Variants in ADAMTS10 observed in about 807,000 individuals in gnomAD.
The protein encoded by ADAMTS10 is ADAM metallopeptidase with thrombospondin type 1 motif 10.
ADAMTS10 carries 48 observed loss-of-function variants against 135.9 expected under a neutral mutation model. The ratio of observed to expected loss-of-function variants is 0.35; its 90% CI spans 0.28 to 0.45. The LOEUF (loss-of-function observed/expected upper bound fraction) is 0.45. ADAMTS10 is among the 20% of genes least tolerant of loss of function. The probability of loss-of-function intolerance (pLI) is 1.00; values close to 1 mark genes in which losing one functional copy is unlikely to be tolerated. For missense variants in ADAMTS10, 1,131 were observed against 1,565.2 expected (o/e 0.72, Z 4.68); for synonymous variants, 621 against 647.5 (o/e 0.96, Z 0.62).
chr19:8,596,165 G>A lies in ADAMTS10; in HGVS notation c.1245C>T (p.Asp415=). 2 of 1,614,176 alleles carry A rather than the reference G, an allele frequency of 1.2e-6. No individual in the cohort carries two copies. The highest frequency in any genetic ancestry group is 1.7e-6 in the Non-Finnish European group (2 of 1,180,032). The change falls in exon 11 of 26, where the codon GAC becomes GAT. Residue 415 remains aspartate, a synonymous_variant. Transcript: ENST00000597188. The surrounding 1 kb of genome is among the most constrained non-coding windows in gnomAD (Gnocchi z 7.2). ...TGTGGGCAGCCATGAGCTTGGCTGG[G>A]TCCTGACCACGGGCCCCACAGCTGT... ...VGNSCGARGQ[D]PAKLMAAHIT...
rs540152197 is a variant in ADAMTS10, at chr19:8,608,778, C to T, written c.-214-530G>A. The stretch of plus-strand genomic sequence containing the variant: ...GAAGTGAGGCGCTCCTCCCAAAACC[C>T]TCACACCCCCTTCTGTGCTTTGGGC... On this transcript the variant is annotated intron_variant, in intron 1 of 25. Coordinates refer to ENST00000597188, the MANE Select transcript of ADAMTS10 (RefSeq NM_030957.4). Among the ~76,000 whole-genome samples the T allele has an allele frequency of 1.5e-3, 224 of 152,186 alleles. 1 individual carries two copies. In the Middle Eastern group the frequency reaches 0.02, roughly 14 times the overall value.
Position 8,591,784 on chromosome 19 carries a change from G to T in ADAMTS10, c.1797+16C>A, listed in dbSNP as rs570626367. 19 of 1,613,470 alleles carry T rather than the reference G, an allele frequency of 1.2e-5. No individual in the cohort carries two copies. Among genetic ancestry groups the T allele is most frequent in the Non-Finnish European group, 1.7e-6 (2 of 1,179,974 alleles). ...GCTTCCTCCCCCCACCCCTCAAGGG[G>T]TTTGGGGGAACTCACATCCGTGTTG... On this transcript the variant is annotated intron_variant, in intron 15 of 25. Coordinates refer to ENST00000597188, the MANE Select transcript of ADAMTS10 (RefSeq NM_030957.4).
At chr19:8,589,691 A>G in intron 16 of ADAMTS10, 106 bp from the exon 17 acceptor site, 1 of 1,559,472 alleles carries the variant, frequency 6.4e-7, no homozygotes, top group Admixed American at 1.8e-5. Context: ...ACCCAAGAGG[A>G]AGGGCAGCTT....
intron 12 of ADAMTS10, 61 bp downstream of exon 12, chr19:8,595,698 TCCC>T: frequency 1.5e-6 from 2 of 1,291,948 alleles, no homozygotes; most frequent in Non-Finnish European, 2.2e-6. Flanking sequence ...CTGGTGGAGT[TCCC>T]TCCCCCAGCC....
chr19:8,601,464 C>T lies in ADAMTS10; in HGVS notation c.593-319G>A, dbSNP rs141997404. ...GAAACCTCTGCCTCCCAGGTTCAAGCGATTCTCCTGCCTCAGCCTCCCGAG... is the reference window on the plus strand; with the variant it reads ...GAAACCTCTGCCTCCCAGGTTCAAGTGATTCTCCTGCCTCAGCCTCCCGAG... On this transcript the variant is annotated intron_variant, in intron 5 of 25. Coordinates refer to ENST00000597188, the MANE Select transcript of ADAMTS10 (RefSeq NM_030957.4). The surrounding 1 kb of genome is among the most constrained non-coding windows in gnomAD (Gnocchi z 4.6). Among the ~76,000 whole-genome samples, 958 of 151,402 alleles carry T rather than the reference C, an allele frequency of 6.3e-3. 10 individuals are homozygous for T. Among genetic ancestry groups the T allele is most frequent in the African/African-American group, 0.022 (891 of 41,236 alleles).
At position 8,596,304 on chromosome 19, in the gene ADAMTS10, C is replaced by T. The variant is rs1236269293; in HGVS notation, c.1190+3G>A. On this transcript the variant is annotated splice_donor_region_variant and intron_variant, in intron 10 of 25. Coordinates refer to ENST00000597188, the MANE Select transcript of ADAMTS10 (RefSeq NM_030957.4). The surrounding 1 kb of genome is among the most constrained non-coding windows in gnomAD (Gnocchi z 7.2). ...CTCCCCCTCTTGTGTGCCCTGGCCT[C>T]ACGTGTGCCCGATCTCGTGGGCAAT... The T allele has an allele frequency of 1.4e-5, 23 of 1,612,982 alleles. No homozygotes were observed. Among genetic ancestry groups the T allele is most frequent in the Non-Finnish European group, 1.8e-5 (21 of 1,179,986 alleles).
intron 13 of ADAMTS10, 100 bp from the exon 14 acceptor site, chr19:8,592,203 C>T (rs1555739175): frequency 1.6e-6 from 2 of 1,233,632 alleles, no homozygotes; most frequent in African/African-American, 5.9e-5. Flanking sequence ...AGATATCAGC[C>T]TCTCCGGGAT....
chr19:8,591,781 G>A lies in ADAMTS10; in HGVS notation c.1797+19C>T. ...AATGCTTCCTCCCCCCACCCCTCAA[G>A]GGGTTTGGGGGAACTCACATCCGTG... is the stretch of plus-strand genomic sequence containing the variant. On this transcript the variant is annotated intron_variant, in intron 15 of 25. Coordinates refer to ENST00000597188, the MANE Select transcript of ADAMTS10 (RefSeq NM_030957.4). 6.2e-7 allele frequency: 1 copy of A among 1,613,390 alleles called. No individual in the cohort carries two copies. The highest frequency in any genetic ancestry group is 8.5e-7 in the Non-Finnish European group (1 of 1,179,814).
At chr19:8,581,129 AC>A (rs2042341514) in intron 25 of ADAMTS10, 127 bp from the exon 26 acceptor site, 25 of 127,004 alleles carry the variant, frequency 2.0e-4, no homozygotes, top group Admixed American at 4.7e-4. Context: ...TTTTAAATTT[AC>A]TTTTTTTTTT....
At chr19:8,582,971 C>T (rs1413876688) in intron 25 of ADAMTS10, among the ~76,000 whole-genome samples, 4 of 151,806 alleles carry the variant, frequency 2.6e-5, no homozygotes, top group African/African-American at 9.7e-5. Flanking sequence ...TTTGTAGATA[C>T]AGGTGTCTTA....
At position 8,596,729 on chromosome 19, in the gene ADAMTS10, C is replaced by T; in HGVS notation, c.1041-144G>A. ...TGAAGCTGCATACAGGAGTGACTGA[C>T]CACATGAATGAATGAATGCATGCAT... On this transcript the variant is annotated intron_variant, in intron 8 of 25. Coordinates refer to ENST00000597188, the MANE Select transcript of ADAMTS10 (RefSeq NM_030957.4). This position sits in a 1 kb window ranked among gnomAD's most constrained non-coding sequence, Gnocchi z 7.2. The T allele has an allele frequency of 6.3e-6, 7 of 1,112,648 alleles. No individual in the cohort carries two copies. The highest frequency in any genetic ancestry group is 9.1e-6 in the Non-Finnish European group (7 of 770,564). The allele number at this position is 1,112,648 out of a possible 1,614,324, so 68.9% of individuals were successfully genotyped here. A position where few individuals can be genotyped will look rare whatever the true frequency, so the allele number is the denominator to read the frequency against.
At chr19:8,587,876 A>G (rs1555737714) in intron 18 of ADAMTS10, among the ~76,000 whole-genome samples, 1 of 143,940 alleles carries the variant, frequency 6.9e-6, no homozygotes, top group Non-Finnish European at 1.5e-5. Flanking sequence ...GCTTGCAGTG[A>G]GTTGAGATGG....
At chr19:8,598,207 G>A (rs1555740688) in intron 6 of ADAMTS10, among the ~76,000 whole-genome samples, 1 of 152,176 alleles carries the variant, frequency 6.6e-6, no homozygotes, top group Non-Finnish European at 1.5e-5. Flanking sequence ...GCTGGTAGGT[G>A]TCAGAAGTGA....
chr19:8,603,526 G>C (rs564481931), intron 5 of ADAMTS10, among the ~76,000 whole-genome samples: 1 of 152,056 alleles, frequency 6.6e-6, no homozygotes, highest in Admixed American at 6.6e-5. Flanking sequence ...CGCCCACCTC[G>C]GCCTCCCAAG....
In ADAMTS10 at chr19:8,605,143, C is replaced by T. The variant is rs782124766; in HGVS notation, c.304G>A (p.Val102Ile). ...TCCCGTGTCCAGTACTCCACGGAGACGTGCCCTGCCAGTAGACGGGAGCTG... is the reference window on the plus strand; with the variant it reads ...TCCCGTGTCCAGTACTCCACGGAGATGTGCCCTGCCAGTAGACGGGAGCTG... ...TRSSRLLAGH[V>I]SVEYWTREGL... Residue 102 changes from valine to isoleucine, a missense_variant, in exon 4 of 26, where the codon GTC (valine) becomes ATC (isoleucine). Around this residue, in one of 3 missense-constraint regions of ADAMTS10, gnomAD observed 306 missense variants for 344.4 expected, o/e 0.89. Transcript: ENST00000597188. The surrounding 1 kb of genome is among the most constrained non-coding windows in gnomAD (Gnocchi z 7.7). The T allele has an allele frequency of 2.4e-5, 39 of 1,613,682 alleles. No individual in the cohort carries two copies. Among genetic ancestry groups the T allele is most frequent in the South Asian group, 2.3e-4 (21 of 91,090 alleles).
rs540897354 is a variant in ADAMTS10 at position 8,592,629 on chromosome 19, G to C, written c.1587+134C>G. 21 of 918,522 alleles carry C rather than the reference G, an allele frequency of 2.3e-5. No homozygotes were observed. The East Asian group carries it at 5.3e-4, about 23-fold the overall frequency. The allele number at this position is 918,522 out of a possible 1,614,324, so 56.9% of individuals were successfully genotyped here. ...AAGCAGTAGGCGTGGCCACAGCCGA[G>C]GGAGCACAAATGGCGGGCGTGGCCA... is the stretch of plus-strand genomic sequence containing the variant. On this transcript the variant is annotated intron_variant, in intron 13 of 25. Transcript: ENST00000597188.
At chr19:8,600,436 C>T (rs1646877676) in intron 6 of ADAMTS10, among the ~76,000 whole-genome samples, 1 of 150,678 alleles carries the variant, frequency 6.6e-6, no homozygotes, top group South Asian at 2.1e-4. Context: ...ACCTACCTTC[C>T]TTCCTTCCTT....
chr19:8,590,049 A>G, intron 15 of ADAMTS10, 58 bp from the exon 16 acceptor site: 2 of 1,234,706 alleles, frequency 1.6e-6, no homozygotes, highest in South Asian at 2.4e-5. Flanking sequence ...GGAGTCAGAA[A>G]AGGGGTGCTC....
intron 16 of ADAMTS10, 101 bp from the exon 17 acceptor site, chr19:8,589,686 A>G (rs982502305): frequency 7.0e-6 from 11 of 1,568,828 alleles, no homozygotes; most frequent in Non-Finnish European, 9.5e-6. Flanking sequence ...CCCAGACCCA[A>G]GAGGAAGGGC....
Sources: allele counts gnomAD v4.1 joint callset (sites outside exome capture counted in the v4.1 genomes callset), GRCh38; gene constraint gnomAD v4.1.1; regional missense constraint gnomAD v4.1.1; non-coding constraint Gnocchi (gnomAD v3.1); transcripts MANE v1.5; gene names NCBI Gene and HGNC (gene_info 2026-07-23, HGNC 2026-07-21).